Variants in ITPRID1 observed in about 807,000 individuals in gnomAD.
ITPRID1 encodes the protein protein ITPRID1.
A neutral mutation model predicts 95.4 loss-of-function variants in ITPRID1; 96 were observed. The observed-to-expected ratio is 1.01, with a 90% CI of 0.85 to 1.19. The LOEUF (loss-of-function observed/expected upper bound fraction) is 1.19, where lower values mean the gene tolerates loss of function less well. ITPRID1 is among the 50% of genes most tolerant of loss of function. The pLI, the probability that ITPRID1 is intolerant of heterozygous loss-of-function variation, is 0.00. For synonymous variants in ITPRID1, 510 were observed against 453.6 expected (o/e 1.12, Z -1.58); for missense variants, 1,339 against 1,252.9 (o/e 1.07, Z -1.04).
chr7:31,539,050 A>T (rs1432555218), intron 1 of ITPRID1, among the ~76,000 whole-genome samples: 2 of 152,186 alleles, frequency 1.3e-5, no homozygotes, highest in Non-Finnish European at 2.9e-5. Context: ...ATATCCCATT[A>T]TTTGGATGTA....
At chr7:31,517,928 T>C (rs1301640624) in intron 1 of ITPRID1, 1 of 152,348 alleles carries the variant, frequency 6.6e-6, no homozygotes, top group Non-Finnish European at 1.5e-5. Context: ...GATGGGTGTA[T>C]GGTAGACAGA....
intron 10 of ITPRID1, among the ~76,000 whole-genome samples, chr7:31,599,645 CTT>C (rs545360650): frequency 0.013 from 585 of 44,706 alleles, 15 homozygotes; most frequent in African/African-American, 0.025. Context: ...TTCTTTCTTT[CTT>C]TTTCTTTCTT....
chr7:31,532,853 AATTTCAC>A (rs774582881), intron 1 of ITPRID1, among the ~76,000 whole-genome samples: 17 of 152,300 alleles, frequency 1.1e-4, no homozygotes, highest in Non-Finnish European at 1.9e-4. Context: ...ATAATAAACC[AATTTCAC>A]ATTCCTTTAA....
intron 1 of ITPRID1, among the ~76,000 whole-genome samples, chr7:31,537,176 T>G (rs564647590): frequency 1.2e-4 from 18 of 151,722 alleles, no homozygotes; most frequent in Admixed American, 5.3e-4. Flanking sequence ...GGAACTGGTC[T>G]CTTTACTGTC....
At chr7:31,605,122 A>G (rs1235887463) in intron 10 of ITPRID1, among the ~76,000 whole-genome samples, 1 of 137,260 alleles carries the variant, frequency 7.3e-6, no homozygotes, top group Non-Finnish European at 1.6e-5. Context: ...TGGGTGACAG[A>G]GGGAGACCCC....
intron 10 of ITPRID1, among the ~76,000 whole-genome samples, chr7:31,614,917 G>A (rs894456925): frequency 3.9e-5 from 6 of 151,980 alleles, no homozygotes; most frequent in African/African-American, 7.2e-5. Context: ...GGAGTATGGC[G>A]GGAATGAACA....
At chr7:31,518,478 G>C (rs535017656) in intron 1 of ITPRID1, 1 of 152,356 alleles carries the variant, frequency 6.6e-6, no homozygotes, top group East Asian at 1.9e-4. Flanking sequence ...ATAGGAATTG[G>C]ATAGCTGGAG....
chr7:31,642,312 C>T (rs1161716179), intron 11 of ITPRID1, 54 bp downstream of exon 11: 1 of 1,217,766 alleles, frequency 8.2e-7, no homozygotes. Flanking sequence ...CCCACTTCAG[C>T]CCTATCAACC....
chr7:31,534,060 T>A (rs1783683718), intron 1 of ITPRID1, among the ~76,000 whole-genome samples: 1 of 152,216 alleles, frequency 6.6e-6, no homozygotes, highest in South Asian at 2.1e-4. Context: ...AAACTGCACA[T>A]GCGAGGGATC....
rs555900482 is a variant in ITPRID1 at position 31,647,376 on chromosome 7, G to C, written c.2583+3423G>C. Among the ~76,000 whole-genome samples the C allele has an allele frequency of 2.6e-5, 4 of 152,190 alleles. No homozygotes were observed. The East Asian group carries it at 7.7e-4, about 29-fold the overall frequency. On this transcript the variant is annotated intron_variant, in intron 12 of 14. Coordinates refer to ENST00000615280, the MANE Select transcript of ITPRID1 (RefSeq NM_001257967.3). ...AGATGGACATCTCTTAGAAGATAAT[G>C]GGAGGCCAGGCATGGTGGCTCACGC...
chr7:31,533,119 G>A lies in ITPRID1; in HGVS notation c.-97-16307G>A, dbSNP rs141493754. Among the ~76,000 whole-genome samples, 107 of 152,132 alleles carry A rather than the reference G, an allele frequency of 7.0e-4. 3 individuals are homozygous for A. In the East Asian group the frequency reaches 0.016, roughly 23 times the overall value. On this transcript the variant is annotated intron_variant, in intron 1 of 14. Coordinates refer to ENST00000615280, the MANE Select transcript of ITPRID1 (RefSeq NM_001257967.3). ...TCTAAATGGTTGGTAAAATTCTTCA[G>A]TAAAGACATCTGTACCCAGGGTTTC... is the stretch of plus-strand genomic sequence containing the variant.
At chr7:31,543,095 G>A (rs1373906734) in intron 1 of ITPRID1, among the ~76,000 whole-genome samples, 1 of 152,032 alleles carries the variant, frequency 6.6e-6, no homozygotes, top group Non-Finnish European at 1.5e-5. Flanking sequence ...TGGGTTATTG[G>A]CCTTTGGGTG....
In ITPRID1 at chr7:31,655,672, G is replaced by A. The variant is rs1422677705; in HGVS notation, c.*2843G>A. The A allele has an allele frequency of 1.1e-6, 1 of 926,314 alleles. No individual in the cohort carries two copies. The highest frequency in any genetic ancestry group is 1.3e-6 in the Non-Finnish European group (1 of 776,022). The allele number at this position is 926,314 out of a possible 1,614,324, so 57.4% of individuals were successfully genotyped here. A position where few individuals can be genotyped will look rare whatever the true frequency, so the allele number is the denominator to read the frequency against. On this transcript the variant is annotated 3_prime_UTR_variant, in exon 15 of 15. Transcript: ENST00000615280. ...TCCCTTTTTGCCACATCCCCATCTTGGCTCCTATATCATGGCTCAGCTCCC... is the reference window on the plus strand; with the variant it reads ...TCCCTTTTTGCCACATCCCCATCTTAGCTCCTATATCATGGCTCAGCTCCC...
intron 1 of ITPRID1, among the ~76,000 whole-genome samples, chr7:31,521,547 T>C (rs217159): frequency 0.42 from 63,428 of 151,760 alleles, 14,355 homozygotes; most frequent in East Asian, 0.62. Flanking sequence ...ATATGTAGAT[T>C]ATCTCTGAGA....
chr7:31,537,133 GTT>G (rs1452286321), intron 1 of ITPRID1, among the ~76,000 whole-genome samples: 1 of 139,004 alleles, frequency 7.2e-6, no homozygotes, highest in African/African-American at 2.7e-5. Flanking sequence ...GTGTGTGTGT[GTT>G]TCCCCTTCCA....
At chr7:31,591,821 T>G (rs1274351039) in intron 10 of ITPRID1, among the ~76,000 whole-genome samples, 1 of 152,222 alleles carries the variant, frequency 6.6e-6, no homozygotes, top group East Asian at 1.9e-4. Flanking sequence ...TATATTATAC[T>G]TTGATTTAAT....
At position 31,655,880 on chromosome 7, in the gene ITPRID1, C is replaced by T; in HGVS notation, c.*3051C>T. ...GTAACGCCTACGGAATGAAGAGGAACACCTGGCTCTAGGATGTCCCTCACC... is the reference window on the plus strand; with the variant it reads ...GTAACGCCTACGGAATGAAGAGGAATACCTGGCTCTAGGATGTCCCTCACC... On this transcript the variant is annotated 3_prime_UTR_variant, in exon 15 of 15. Coordinates refer to ENST00000615280, the MANE Select transcript of ITPRID1 (RefSeq NM_001257967.3). 3 of 985,552 alleles carry T rather than the reference C, an allele frequency of 3.0e-6. No individual in the cohort carries two copies. Among genetic ancestry groups the T allele is most frequent in the Non-Finnish European group, 3.6e-6 (3 of 829,998 alleles). 61.1% of individuals were successfully genotyped at this position (985,552 alleles called of 1,614,324 possible).
At chr7:31,620,917 C>G (rs1345187865) in intron 10 of ITPRID1, among the ~76,000 whole-genome samples, 2 of 151,948 alleles carry the variant, frequency 1.3e-5, no homozygotes, top group Admixed American at 6.6e-5. Flanking sequence ...CTTAAAGGAG[C>G]TGATGGAGCT....
intron 1 of ITPRID1, among the ~76,000 whole-genome samples, chr7:31,536,648 T>G (rs578064635): frequency 6.6e-6 from 1 of 152,342 alleles, no homozygotes; most frequent in Admixed American, 6.5e-5. Flanking sequence ...GCCACTTGTA[T>G]AGAGCACTGA....
Sources: allele counts gnomAD v4.1 joint callset (sites outside exome capture counted in the v4.1 genomes callset), GRCh38; gene constraint gnomAD v4.1.1; transcripts MANE v1.5; gene names NCBI Gene and HGNC (gene_info 2026-07-23, HGNC 2026-07-21).